Variants in KHDRBS2 observed in about 807,000 individuals in gnomAD.
KHDRBS2 encodes the protein KH domain-containing, RNA-binding, signal transduction-associated protein 2.
KHDRBS2 carries 26 observed loss-of-function variants against 44.3 expected under a neutral mutation model. The ratio of observed to expected loss-of-function variants is 0.59; its 90% confidence interval spans 0.43 to 0.81. KHDRBS2 has a LOEUF of 0.81. Among genes scored for constraint, KHDRBS2 ranks in the 40% least tolerant of loss-of-function variants. KHDRBS2 has a pLI of 0.00. For synonymous variants in KHDRBS2, 194 were observed against 151.1 expected (o/e 1.28, Z -2.08); for missense variants, 476 against 433.1 (o/e 1.10, Z -0.88).
chr6:62,214,275 G>C lies in KHDRBS2; in HGVS notation c.92-36963C>G, dbSNP rs147677274. ...ATTTTATATCATTCTTCCATATACA[G>C]GAAAGGATTATATATCAAATTAGAA... On this transcript the variant is annotated intron_variant, in intron 1 of 8. Transcript: ENST00000281156. Among the ~76,000 whole-genome samples the C allele has an allele frequency of 8.8e-3, 1,331 of 152,028 alleles. 8 individuals carry two copies. Among genetic ancestry groups the C allele is most frequent in the Non-Finnish European group, 0.015 (1,025 of 67,976 alleles).
At chr6:62,197,166 T>C (rs1305301142) in intron 1 of KHDRBS2, among the ~76,000 whole-genome samples, 1 of 152,112 alleles carries the variant, frequency 6.6e-6, no homozygotes, top group African/African-American at 2.4e-5. Flanking sequence ...CCTTCAAAAA[T>C]GGGTATTAAA....
chr6:61,888,049 T>C (rs1360389398), intron 6 of KHDRBS2, among the ~76,000 whole-genome samples: 1 of 152,202 alleles, frequency 6.6e-6, no homozygotes, highest in Non-Finnish European at 1.5e-5. Flanking sequence ...TATATCTATA[T>C]ACTTTTTACT....
chr6:61,808,842 T>C (rs1238899077), intron 6 of KHDRBS2, among the ~76,000 whole-genome samples: 1 of 152,064 alleles, frequency 6.6e-6, no homozygotes, highest in Non-Finnish European at 1.5e-5. Flanking sequence ...TTTCTTTTTT[T>C]CTTTCTTGAT....
chr6:61,569,626 C>A, the KHDRBS2 span, among the ~76,000 whole-genome samples: 1 of 152,138 alleles, frequency 6.6e-6, no homozygotes, highest in African/African-American at 2.4e-5. Flanking sequence ...TCAAGGAAGC[C>A]AGCACACTAA....
At chr6:61,772,716 T>C (rs1781162666) in intron 6 of KHDRBS2, among the ~76,000 whole-genome samples, 1 of 152,140 alleles carries the variant, frequency 6.6e-6, no homozygotes, top group South Asian at 2.1e-4. Flanking sequence ...TGTATACATG[T>C]GCCACGCTGG....
At chr6:61,719,903 C>T (rs1409790876) in intron 7 of KHDRBS2, among the ~76,000 whole-genome samples, 2 of 151,996 alleles carry the variant, frequency 1.3e-5, no homozygotes, top group Non-Finnish European at 2.9e-5. Flanking sequence ...GCATTAGGTA[C>T]ATCTCCCAGT....
At chr6:61,647,093 ACAGGTGTGAGC>A in the KHDRBS2 span, among the ~76,000 whole-genome samples, 1 of 151,470 alleles carries the variant, frequency 6.6e-6, no homozygotes, top group African/African-American at 2.4e-5. Flanking sequence ...TGCTGGGATG[ACAGGTGTGAGC>A]CACTGTGCCT....
chr6:62,023,137 AT>A (rs1386138848), intron 3 of KHDRBS2, among the ~76,000 whole-genome samples: 9 of 151,756 alleles, frequency 5.9e-5, no homozygotes, highest in Non-Finnish European at 1.2e-4. Context: ...TCAAAGTAAG[AT>A]TAAGATAATT....
At chr6:61,928,697 T>A (rs966542528) in intron 4 of KHDRBS2, among the ~76,000 whole-genome samples, 2 of 152,098 alleles carry the variant, frequency 1.3e-5, no homozygotes, top group Non-Finnish European at 2.9e-5. Flanking sequence ...GCCATTACAT[T>A]TTAGCAATAT....
chr6:61,738,991 T>C (rs372318507), intron 6 of KHDRBS2, among the ~76,000 whole-genome samples: 56 of 151,990 alleles, frequency 3.7e-4, no homozygotes, highest in African/African-American at 1.3e-3. Flanking sequence ...TTCTGGTAAA[T>C]GCTTAATAAT....
chr6:61,638,259 C>G, the KHDRBS2 span, among the ~76,000 whole-genome samples: 1 of 152,002 alleles, frequency 6.6e-6, no homozygotes, highest in South Asian at 2.1e-4. Flanking sequence ...TCAAACTATA[C>G]TACAAGGCTA....
chr6:61,671,853 T>C, the KHDRBS2 span, among the ~76,000 whole-genome samples: 1 of 151,916 alleles, frequency 6.6e-6, no homozygotes, highest in East Asian at 1.9e-4. Flanking sequence ...TTTATTTATT[T>C]ATGATTATTA....
the KHDRBS2 span, among the ~76,000 whole-genome samples, chr6:61,579,628 T>A: frequency 6.6e-6 from 1 of 152,096 alleles, no homozygotes; most frequent in East Asian, 1.9e-4. Context: ...AGGGTAAAAA[T>A]TTATATAAGA....
intron 6 of KHDRBS2, among the ~76,000 whole-genome samples, chr6:61,781,109 A>C (rs1782862059): frequency 6.6e-6 from 1 of 152,202 alleles, no homozygotes; most frequent in Admixed American, 6.6e-5. Flanking sequence ...AATATGTCTA[A>C]TCATTTTTAC....
At chr6:61,577,096 G>T in the KHDRBS2 span, among the ~76,000 whole-genome samples, 1 of 150,184 alleles carries the variant, frequency 6.7e-6, no homozygotes, top group Non-Finnish European at 1.5e-5. Context: ...CCTGGTAGTT[G>T]TGTTTTATTT....
At chr6:62,236,323 T>C (rs1833700383) in intron 1 of KHDRBS2, among the ~76,000 whole-genome samples, 1 of 152,030 alleles carries the variant, frequency 6.6e-6, no homozygotes, top group African/African-American at 2.4e-5. Context: ...CAAAGTGTTA[T>C]CTAGCAGTAT....
At chr6:61,972,375 C>T (rs1362437377) in intron 4 of KHDRBS2, among the ~76,000 whole-genome samples, 1 of 152,046 alleles carries the variant, frequency 6.6e-6, no homozygotes, top group East Asian at 1.9e-4. Context: ...TAGATGATTA[C>T]AGATGTCTTC....
At chr6:61,907,033 T>C (rs1805167624) in intron 4 of KHDRBS2, among the ~76,000 whole-genome samples, 1 of 152,174 alleles carries the variant, frequency 6.6e-6, no homozygotes, top group South Asian at 2.1e-4. Flanking sequence ...CCAAACAGTG[T>C]ATGAGGGTTT....
chr6:61,973,691 G>A lies in KHDRBS2; in HGVS notation c.483+4375C>T, dbSNP rs532311800. Reference sequence around the variant, plus strand: ...AACAGTTACACACATACACACACACGTTTACATAAGTATATAAGTTATATA... The same window carrying A: ...AACAGTTACACACATACACACACACATTTACATAAGTATATAAGTTATATA... On this transcript the variant is annotated intron_variant, in intron 4 of 8. Transcript: ENST00000281156. Among the ~76,000 whole-genome samples the A allele has an allele frequency of 1.1e-4, 16 of 151,758 alleles. No homozygotes were observed. In the South Asian group the frequency reaches 2.5e-3, roughly 24 times the overall value.
Sources: allele counts gnomAD v4.1 joint callset (sites outside exome capture counted in the v4.1 genomes callset), GRCh38; gene constraint gnomAD v4.1.1; transcripts MANE v1.5; gene names NCBI Gene and HGNC (gene_info 2026-07-23, HGNC 2026-07-21).